CASK: variants seen among roughly 807,000 people sequenced by gnomAD.
The protein encoded by CASK is calcium/calmodulin dependent serine protein kinase.
In CASK, 4 loss-of-function variants were observed where a neutral mutation model predicts 82.9. That is an observed-to-expected ratio of 0.05 (90% CI 0.02 to 0.11). The LOEUF (loss-of-function observed/expected upper bound fraction) is 0.11, where lower values mean the gene tolerates loss of function less well. Ranked by LOEUF, CASK falls within the 10% of genes least tolerant of loss-of-function variation. The pLI is 1.00. For missense variants in CASK, 358 were observed against 720.9 expected (o/e 0.50, Z 5.76); for synonymous variants, 259 against 253.5 (o/e 1.02, Z -0.20).
chrX:41,564,742 C>T (rs745608192), intron 16 of CASK, among the ~76,000 whole-genome samples: 3 of 112,015 alleles, frequency 2.7e-5, no homozygotes, highest in Non-Finnish European at 5.6e-5. Context: ...ACCTAATAGA[C>T]ATCTACAGAA....
chrX:41,857,882 C>A (rs1195138693), intron 1 of CASK, among the ~76,000 whole-genome samples: 1 of 111,722 alleles, frequency 9.0e-6, no homozygotes, highest in Non-Finnish European at 1.9e-5. Flanking sequence ...AAGGATGACA[C>A]AATTCACCCA....
Position 41,531,130 on chromosome X carries a change from G to A in CASK, c.2397C>T (p.Asp799=). The A allele has an allele frequency of 1.7e-6, 2 of 1,207,561 alleles. No homozygotes were observed. The highest frequency in any genetic ancestry group is 2.2e-6 in the Non-Finnish European group (2 of 891,524). ...YFVSHDQMMQ[D]ISNNEYLEYG... ...ACTCCAAGTACTCGTTATTAGAGAT[G>A]TCTTGCATCATTTGGTCATGAGATA... Residue 799 remains aspartate, a synonymous_variant, in exon 25 of 27, where the codon GAC becomes GAT. Coordinates refer to ENST00000378163, the MANE Select transcript of CASK (RefSeq NM_001367721.1).
intron 2 of CASK, among the ~76,000 whole-genome samples, chrX:41,837,695 G>A (rs2070953979): frequency 8.9e-6 from 1 of 112,204 alleles, no homozygotes; most frequent in Admixed American, 9.4e-5. Flanking sequence ...TGCTCAGTAG[G>A]ATTCCATGGT....
chrX:41,843,048 C>T (rs1182286224), intron 2 of CASK, among the ~76,000 whole-genome samples: 1 of 111,624 alleles, frequency 9.0e-6, no homozygotes, highest in Non-Finnish European at 1.9e-5. Flanking sequence ...TCACTTATTA[C>T]ATCTAAGTCT....
intron 4 of CASK, among the ~76,000 whole-genome samples, chrX:41,742,105 C>T (rs987973458): frequency 9.0e-6 from 1 of 111,505 alleles, no homozygotes; most frequent in African/African-American, 3.3e-5. Context: ...TCTGAAATGC[C>T]CTTAATAGGA....
chrX:41,909,760 A>G (rs1470190892), intron 1 of CASK, among the ~76,000 whole-genome samples: 11 of 111,143 alleles, frequency 9.9e-5, no homozygotes, highest in Non-Finnish European at 5.7e-5. Flanking sequence ...ACACGCCACC[A>G]TGGCCGGCTA....
chrX:41,856,296 A>G (rs1279950086), intron 1 of CASK, among the ~76,000 whole-genome samples: 1 of 111,537 alleles, frequency 9.0e-6, no homozygotes, highest in Non-Finnish European at 1.9e-5. Flanking sequence ...AAGAGAGGAG[A>G]TAATAGTAAT....
intron 2 of CASK, among the ~76,000 whole-genome samples, chrX:41,814,174 A>G (rs1180580732): frequency 2.7e-5 from 3 of 112,130 alleles, no homozygotes; most frequent in Non-Finnish European, 3.8e-5. Context: ...CCATTGTGGA[A>G]GTCAGTGTGG....
At chrX:41,778,517 C>T (rs1378386091) in intron 3 of CASK, among the ~76,000 whole-genome samples, 1 of 111,676 alleles carries the variant, frequency 9.0e-6, no homozygotes, top group Admixed American at 9.5e-5. Context: ...AGGTGTGAGC[C>T]ACCGTGCCTG....
intron 1 of CASK, among the ~76,000 whole-genome samples, chrX:41,905,641 C>CCCTTCGCTTTGCCTAAGGCT (rs1165807364): frequency 6.8e-4 from 77 of 112,978 alleles, no homozygotes; most frequent in Non-Finnish European, 1.2e-3. Flanking sequence ...GGCCTATGGC[C>CCCTTCGCTTTGCCTAAGGCT]CCTTCGCTTT....
intron 24 of CASK, among the ~76,000 whole-genome samples, chrX:41,533,722 C>T (rs1490570855): frequency 8.9e-6 from 1 of 112,166 alleles, no homozygotes; most frequent in Non-Finnish European, 1.9e-5. Flanking sequence ...TGCAATGGCA[C>T]GATCTCGGCT....
At position 41,659,102 on chromosome X, in the gene CASK, G is replaced by C. The variant is rs151228979; in HGVS notation, c.831+1337C>G. The stretch of plus-strand genomic sequence containing the variant: ...AGAGAACTCTGATGATGCAGGAAGG[G>C]AGGAAGTTGTTGGGTCAATGTGGTC... On this transcript the variant is annotated intron_variant, in intron 8 of 26. Coordinates refer to ENST00000378163, the MANE Select transcript of CASK (RefSeq NM_001367721.1). 3.9e-3 allele frequency among the ~76,000 whole-genome samples: 432 copies of C among 111,313 alleles called. 2 individuals are homozygous for C. The highest frequency in any genetic ancestry group is 0.013 in the African/African-American group (408 of 30,463).
chrX:41,700,931 C>CAAAAAAA (rs1215266415), intron 5 of CASK, among the ~76,000 whole-genome samples: 5 of 37,121 alleles, frequency 1.3e-4, no homozygotes, highest in South Asian at 4.9e-3. Context: ...GACTCCGTCT[C>CAAAAAAA]AAAAAAAAAA....
At chrX:41,743,535 G>A (rs1318303722) in intron 4 of CASK, 1 of 288,016 alleles carries the variant, frequency 3.5e-6, no homozygotes, top group Non-Finnish European at 6.1e-6. Flanking sequence ...AGCCCCAGCA[G>A]TACAAAAACA....
At chrX:41,856,727 C>T (rs777467619) in intron 1 of CASK, among the ~76,000 whole-genome samples, 5 of 101,569 alleles carry the variant, frequency 4.9e-5, no homozygotes, top group South Asian at 1.0e-3. Flanking sequence ...ACCCGGGAGG[C>T]GGAACTTGCA....
At chrX:41,880,828 T>C (rs1329218206) in intron 1 of CASK, among the ~76,000 whole-genome samples, 1 of 111,831 alleles carries the variant, frequency 8.9e-6, no homozygotes, top group African/African-American at 3.2e-5. Flanking sequence ...TATTTAACAA[T>C]GCTAACAATT....
intron 5 of CASK, among the ~76,000 whole-genome samples, chrX:41,705,220 A>G (rs2067865149): frequency 8.9e-6 from 1 of 112,290 alleles, no homozygotes; most frequent in Non-Finnish European, 1.9e-5. Flanking sequence ...AAACTTGAGC[A>G]AGTAAGGAGG....
intron 2 of CASK, among the ~76,000 whole-genome samples, chrX:41,833,896 A>T (rs1023199031): frequency 5.4e-5 from 6 of 110,998 alleles, no homozygotes; most frequent in Non-Finnish European, 1.1e-4. Context: ...CTACAGGCAC[A>T]TGCCACCATG....
chrX:41,848,814 T>G (rs1008527533), intron 2 of CASK, among the ~76,000 whole-genome samples: 1 of 111,668 alleles, frequency 9.0e-6, no homozygotes, highest in Non-Finnish European at 1.9e-5. Flanking sequence ...GTTTTCAAGG[T>G]TACTACAGAA....
Sources: gnomAD v4.1 joint callset for allele counts (sites outside exome capture counted in the v4.1 genomes callset) on GRCh38, gnomAD v4.1.1 for gene constraint, MANE v1.5 for transcripts, NCBI Gene and HGNC (gene_info 2026-07-23, HGNC 2026-07-21) for gene names.